Variants in ATP2C1 observed in about 807,000 individuals in gnomAD.
ATP2C1 encodes calcium-transporting ATPase type 2C member 1.
Under a neutral mutation model 120.5 loss-of-function variants are expected in ATP2C1, and 31 were observed. That is an observed-to-expected ratio of 0.26 (90% CI 0.19 to 0.35). The LOEUF (loss-of-function observed/expected upper bound fraction) is 0.35. Ranked by LOEUF, ATP2C1 falls within the 10% of genes least tolerant of loss-of-function variation. The probability of loss-of-function intolerance (pLI) is 1.00; values close to 1 mark genes in which losing one functional copy is unlikely to be tolerated. For synonymous variants in ATP2C1, 351 were observed against 358.7 expected, an observed-to-expected ratio of 0.98 and a Z score of 0.24; for missense variants, 731 against 1,107.5, an observed-to-expected ratio of 0.66 and a Z score of 4.83.
Position 131,002,082 on chromosome 3 carries a change from A to C in ATP2C1, c.*732A>C, listed in dbSNP as rs2062914218. 1.0e-6 allele frequency: 1 copy of C among 985,474 alleles called. No homozygotes were observed. Among genetic ancestry groups the C allele is most frequent in the Non-Finnish European group, 1.2e-6 (1 of 829,890 alleles). The allele number at this position is 985,474 out of a possible 1,614,324, so 61.0% of individuals were successfully genotyped here. A position where few individuals can be genotyped will look rare whatever the true frequency, so the allele number is the denominator to read the frequency against. On this transcript the variant is annotated 3_prime_UTR_variant, in exon 28 of 28. Coordinates refer to ENST00000510168, the MANE Select transcript of ATP2C1 (RefSeq NM_001378687.1). ...ATGCAGGGCTATCAAGTGGTGTTCT[A>C]GGGTAACAGTGTCCATAATTAACGC...
intron 4 of ATP2C1, among the ~76,000 whole-genome samples, chr3:130,933,369 A>C (rs1440405478): frequency 6.6e-6 from 1 of 152,176 alleles, no homozygotes; most frequent in Non-Finnish European, 1.5e-5. Context: ...CTTGCCCTCA[A>C]AGTGTGACGT....
At chr3:130,978,704 C>T (rs75123869) in intron 18 of ATP2C1, among the ~76,000 whole-genome samples, 3,401 of 152,244 alleles carry the variant, frequency 0.022, 56 homozygotes, top group Non-Finnish European at 0.034. Flanking sequence ...CAACCACTTT[C>T]CAAATTAGCT....
intron 1 of ATP2C1, among the ~76,000 whole-genome samples, chr3:130,886,777 A>G (rs141372011): frequency 3.9e-4 from 60 of 152,320 alleles, no homozygotes; most frequent in African/African-American, 1.2e-3. Flanking sequence ...GAGTTTTCTA[A>G]AAAGAGCTAT....
intron 20 of ATP2C1, among the ~76,000 whole-genome samples, chr3:130,987,956 T>G (rs1056185533): frequency 6.6e-6 from 1 of 152,210 alleles, no homozygotes; most frequent in Non-Finnish European, 1.5e-5. Context: ...TTCTAGTGTG[T>G]CCTACATTTT....
upstream of ATP2C1, among the ~76,000 whole-genome samples, chr3:130,892,973 G>A (rs2069239028): frequency 6.6e-6 from 1 of 152,204 alleles, no homozygotes; most frequent in Non-Finnish European, 1.5e-5. Context: ...AATTTGTAAA[G>A]TGTCTAAGTG....
At chr3:130,987,821 C>G (rs536588531) in intron 20 of ATP2C1, among the ~76,000 whole-genome samples, 1 of 152,150 alleles carries the variant, frequency 6.6e-6, no homozygotes, top group Non-Finnish European at 1.5e-5. Flanking sequence ...ATTTCATTCT[C>G]CTTTTGGAAT....
chr3:130,970,482 C>T (rs2061258884), intron 17 of ATP2C1, among the ~76,000 whole-genome samples: 1 of 152,040 alleles, frequency 6.6e-6, no homozygotes, highest in Admixed American at 6.5e-5. Flanking sequence ...ACCTCAACCT[C>T]CCCTGGCACA....
At chr3:131,014,071 A>C (rs2063455384) in intron 26 of ATP2C1, 1 of 1,583,926 alleles carries the variant, frequency 6.3e-7, no homozygotes, top group Non-Finnish European at 8.6e-7. Flanking sequence ...TCAATGTTGG[A>C]GGCCTCACTA....
At chr3:130,881,005 G>A (rs2068762689) in intron 1 of ATP2C1, among the ~76,000 whole-genome samples, 1 of 152,184 alleles carries the variant, frequency 6.6e-6, no homozygotes, top group Non-Finnish European at 1.5e-5. Flanking sequence ...CAGTTACTGG[G>A]ATAGAAAACT....
In ATP2C1 at chr3:131,016,424, TAAAG is replaced by T. The variant is rs1316142080; in HGVS notation, c.*243_*246del. Reference sequence around the variant, plus strand: ...TTCTCCACATATACTACAAATTCTATAAAGAAAGAAATTAATTTAAAAAAACTAA... The same window carrying T: ...TTCTCCACATATACTACAAATTCTATAAAGAAATTAATTTAAAAAAACTAA... On this transcript the variant is annotated 3_prime_UTR_variant, in exon 27 of 27. Coordinates refer to the ATP2C1 transcript ENST00000328560. The T allele has an allele frequency of 1.2e-5, 17 of 1,421,934 alleles. No individual in the cohort carries two copies. In the South Asian group the frequency reaches 1.6e-4, roughly 13 times the overall value. The allele number at this position is 1,421,934 out of a possible 1,614,324, so 88.1% of individuals were successfully genotyped here.
At chr3:130,923,881 AAAG>A (rs1202470384) in intron 2 of ATP2C1, among the ~76,000 whole-genome samples, 1 of 151,654 alleles carries the variant, frequency 6.6e-6, no homozygotes, top group East Asian at 1.9e-4. Context: ...AAAAAAAAAA[AAAG>A]GATAACTACC....
intron 13 of ATP2C1, 85 bp from the exon 14 acceptor site, chr3:130,964,863 G>T (rs1449589811): frequency 1.1e-6 from 1 of 938,100 alleles, no homozygotes; most frequent in Non-Finnish European, 1.7e-6. Context: ...AAGTAGGACA[G>T]GATTCTAGTC....
At chr3:130,943,224 T>A (rs2059996939) in intron 8 of ATP2C1, among the ~76,000 whole-genome samples, 1 of 152,146 alleles carries the variant, frequency 6.6e-6, no homozygotes, top group African/African-American at 2.4e-5. Flanking sequence ...AATTTTTTAT[T>A]TTTGTTTTTG....
chr3:131,003,098 C>G lies in ATP2C1; in HGVS notation c.*1748C>G, dbSNP rs2062968681. 1.0e-6 allele frequency: 1 copy of G among 982,846 alleles called. No homozygotes were observed. The highest frequency in any genetic ancestry group is 1.2e-6 in the Non-Finnish European group (1 of 827,260). 60.9% of individuals were successfully genotyped at this position (982,846 alleles called of 1,614,324 possible). ...TATGACTTGATTGAAATAAATGTGC[C>G]TATACATTCATTTGCTTTGTACTAT... is the stretch of plus-strand genomic sequence containing the variant. On this transcript the variant is annotated 3_prime_UTR_variant, in exon 28 of 28. Coordinates refer to ENST00000510168, the MANE Select transcript of ATP2C1 (RefSeq NM_001378687.1).
chr3:130,889,421 A>C (rs1339411563), upstream of ATP2C1, among the ~76,000 whole-genome samples: 1 of 152,158 alleles, frequency 6.6e-6, no homozygotes, highest in Non-Finnish European at 1.5e-5. Flanking sequence ...GGCTCAGCTA[A>C]AATTTCTCAA....
chr3:130,897,070 G>C (rs2069696142), intron 2 of ATP2C1, among the ~76,000 whole-genome samples: 1 of 152,210 alleles, frequency 6.6e-6, no homozygotes, highest in South Asian at 2.1e-4. Context: ...AAATTGCCTA[G>C]CTGAATGTTT....
At chr3:130,899,818 G>T (rs1026037537) in intron 2 of ATP2C1, among the ~76,000 whole-genome samples, 1 of 152,052 alleles carries the variant, frequency 6.6e-6, no homozygotes, top group Non-Finnish European at 1.5e-5. Flanking sequence ...TAAGATGGCC[G>T]TAACTGGGTG....
In ATP2C1 at chr3:130,931,384, C is replaced by T. The variant is rs148906265; in HGVS notation, c.118-638C>T. Reference sequence around the variant, plus strand: ...CAAGAAGAAGTTCATCTGAACTTCACTGCTTTTGAGTAATTTAGGAAGCAC... The same window carrying T: ...CAAGAAGAAGTTCATCTGAACTTCATTGCTTTTGAGTAATTTAGGAAGCAC... On this transcript the variant is annotated intron_variant, in intron 3 of 27. Coordinates refer to ENST00000510168, the MANE Select transcript of ATP2C1 (RefSeq NM_001378687.1). 2.9e-4 allele frequency among the ~76,000 whole-genome samples: 44 copies of T among 152,140 alleles called. 1 individual carries two copies. The highest frequency in any genetic ancestry group is 1.0e-3 in the African/African-American group (42 of 41,514).
intron 26 of ATP2C1, among the ~76,000 whole-genome samples, chr3:131,010,608 G>A (rs952837360): frequency 6.6e-6 from 1 of 152,164 alleles, no homozygotes; most frequent in Non-Finnish European, 1.5e-5. Flanking sequence ...TACTCACATG[G>A]GGATAATTCC....
Sources: allele counts gnomAD v4.1 joint callset (sites outside exome capture counted in the v4.1 genomes callset), GRCh38; gene constraint gnomAD v4.1.1; transcripts MANE v1.5; gene names NCBI Gene and HGNC (gene_info 2026-07-23, HGNC 2026-07-21).